Variants in SPRYD7 observed in about 807,000 individuals in gnomAD.
SPRYD7 encodes the protein SPRY domain containing 7.
SPRYD7 carries 14 observed loss-of-function variants against 23.8 expected under a neutral mutation model. That is an observed-to-expected ratio of 0.59 (90% CI 0.39 to 0.92). The LOEUF (loss-of-function observed/expected upper bound fraction) is 0.92. Ranked by LOEUF, SPRYD7 falls within the 40% of genes least tolerant of loss-of-function variation. SPRYD7 has a pLI of 0.00. For missense variants in SPRYD7, 194 were observed against 241.7 expected, an observed-to-expected ratio of 0.80 and a Z score of 1.31; for synonymous variants, 75 against 84.9, an observed-to-expected ratio of 0.88 and a Z score of 0.64.
chr13:49,934,905 A>G (rs535482935), intron 1 of SPRYD7, among the ~76,000 whole-genome samples: 1 of 152,370 alleles, frequency 6.6e-6, no homozygotes, highest in East Asian at 1.9e-4. Flanking sequence ...ATTGCTTAAT[A>G]AATATCACTT....
chr13:49,922,451 C>A (rs1955832170), intron 3 of SPRYD7, among the ~76,000 whole-genome samples: 1 of 151,910 alleles, frequency 6.6e-6, no homozygotes. Flanking sequence ...GTATTACTAT[C>A]CCCATTTTAC....
At chr13:49,935,218 C>T (rs1871567683) in intron 1 of SPRYD7, among the ~76,000 whole-genome samples, 1 of 152,136 alleles carries the variant, frequency 6.6e-6, no homozygotes, top group Non-Finnish European at 1.5e-5. Context: ...TATTTCAATG[C>T]ACTGTCCTTT....
intron 3 of SPRYD7, among the ~76,000 whole-genome samples, chr13:49,924,268 T>G (rs1344955560): frequency 1.3e-5 from 2 of 152,012 alleles, no homozygotes; most frequent in Non-Finnish European, 2.9e-5. Context: ...ATTACAGGCG[T>G]GAGCCACCGC....
chr13:49,922,007 A>T (rs1318734546), intron 3 of SPRYD7, among the ~76,000 whole-genome samples: 3 of 152,170 alleles, frequency 2.0e-5, no homozygotes, highest in African/African-American at 7.2e-5. Context: ...ACTACCTGTC[A>T]CTGTTTTCAA....
At chr13:49,933,976 G>T (rs1171044937) in intron 1 of SPRYD7, among the ~76,000 whole-genome samples, 1 of 151,706 alleles carries the variant, frequency 6.6e-6, no homozygotes, top group Admixed American at 6.6e-5. Context: ...TTCCAAAGTG[G>T]TTTTAAGTAA....
At chr13:49,918,025 T>C (rs531937232) in intron 4 of SPRYD7, among the ~76,000 whole-genome samples, 1 of 152,344 alleles carries the variant, frequency 6.6e-6, no homozygotes, top group South Asian at 2.1e-4. Flanking sequence ...TCCCAGTTTG[T>C]CATCATTGAT....
chr13:49,921,094 A>G (rs1207303277), intron 4 of SPRYD7, among the ~76,000 whole-genome samples: 1 of 152,188 alleles, frequency 6.6e-6, no homozygotes, highest in Non-Finnish European at 1.5e-5. Flanking sequence ...GTCTTGAATT[A>G]TAGTTCCCAT....
rs1178856333 is a variant in SPRYD7, at chr13:49,921,530, GT to G, written c.440del (p.Asn147ThrfsTer56). 6.2e-7 allele frequency: 1 copy of G among 1,613,524 alleles called. No homozygotes were observed. Among genetic ancestry groups the G allele is most frequent in the Non-Finnish European group, 8.5e-7 (1 of 1,179,624 alleles). ...VELNVYLNGK[N>X]MHCPASGIRG... ...GTATACCTGATGCTGGACAATGCAT[GT>G]TTTTTCCATTCAAGTATACATTTAA... On this transcript the variant is annotated frameshift_variant, in exon 4 of 5. Transcript: ENST00000361840. LOFTEE classifies it high-confidence loss of function.
chr13:49,915,093 T>C lies in SPRYD7; in HGVS notation c.561A>G (p.Glu187=). ...AGATTTGCTGTTCAAATAATATTTTTTCAAAACCAGGTGGAGGCGTATGAT... is the reference window on the plus strand; with the variant it reads ...AGATTTGCTGTTCAAATAATATTTTCTCAAAACCAGGTGGAGGCGTATGAT... The part of the protein sequence containing the change: ...EFYHTPPPGF[E]KILFEQQIF Residue 187 remains glutamate (E), a synonymous_variant, in exon 5 of 5, where the codon GAA becomes GAG. Coordinates refer to ENST00000361840, the MANE Select transcript of SPRYD7 (RefSeq NM_020456.4). 1 of 1,561,238 alleles carries C rather than the reference T, an allele frequency of 6.4e-7. No individual in the cohort carries two copies. Among genetic ancestry groups the C allele is most frequent in the Non-Finnish European group, 8.7e-7 (1 of 1,151,280 alleles).
At chr13:49,922,732 C>T (rs145965122) in intron 3 of SPRYD7, among the ~76,000 whole-genome samples, 22 of 152,156 alleles carry the variant, frequency 1.4e-4, no homozygotes, top group African/African-American at 4.8e-4. Flanking sequence ...GAGAAGTCAT[C>T]ATAGACCAAG....
At position 49,936,284 on chromosome 13, in the gene SPRYD7, T is replaced by G. The variant is rs761744729; in HGVS notation, c.-49A>C. ...CGCCGTCCCTAGACCGAGGCGACACTGCCCCCCGCCGCTCAGCTCCGTCTC... is the reference window on the plus strand; with the variant it reads ...CGCCGTCCCTAGACCGAGGCGACACGGCCCCCCGCCGCTCAGCTCCGTCTC... On this transcript the variant is annotated 5_prime_UTR_variant, in exon 1 of 5. Transcript: ENST00000361840. The G allele has an allele frequency of 7.3e-6, 10 of 1,367,692 alleles. No individual in the cohort carries two copies. In the South Asian group the frequency reaches 1.0e-4, roughly 14 times the overall value. 84.7% of individuals were successfully genotyped at this position (1,367,692 alleles called of 1,614,324 possible).
At chr13:49,919,950 G>A (rs2138217152) in intron 4 of SPRYD7, among the ~76,000 whole-genome samples, 2 of 152,156 alleles carry the variant, frequency 1.3e-5, no homozygotes, top group South Asian at 4.1e-4. Flanking sequence ...GTGGGGGGGT[G>A]TAGATGAAAC....
chr13:49,936,127 T>C lies in SPRYD7; in HGVS notation c.106+3A>G, dbSNP rs754034367. ...TTGGGTCTGGGGAAGGGAGGGCCCTTACCCATGTGCTGCGTGTCCAGCTGC... is the reference window on the plus strand; with the variant it reads ...TTGGGTCTGGGGAAGGGAGGGCCCTCACCCATGTGCTGCGTGTCCAGCTGC... On this transcript the variant is annotated splice_donor_region_variant and intron_variant, in intron 1 of 4. Transcript: ENST00000361840. The C allele has an allele frequency of 6.3e-7, 1 of 1,590,466 alleles. No individual in the cohort carries two copies.
chr13:49,921,023 T>C (rs1955812743), intron 4 of SPRYD7, among the ~76,000 whole-genome samples: 1 of 152,136 alleles, frequency 6.6e-6, no homozygotes, highest in East Asian at 1.9e-4. Flanking sequence ...GATTTCTAGA[T>C]GATAGCTATA....
intron 4 of SPRYD7, among the ~76,000 whole-genome samples, chr13:49,918,817 T>A (rs1955782553): frequency 1.3e-5 from 2 of 151,936 alleles, no homozygotes; most frequent in Non-Finnish European, 2.9e-5. Flanking sequence ...TGGGTTCAAG[T>A]GATTTTCCTG....
At chr13:49,920,713 C>T (rs994416450) in intron 4 of SPRYD7, among the ~76,000 whole-genome samples, 2 of 152,100 alleles carry the variant, frequency 1.3e-5, no homozygotes, top group African/African-American at 2.4e-5. Context: ...GTAATCCCAG[C>T]ACTTTGGGAG....
intron 1 of SPRYD7, among the ~76,000 whole-genome samples, chr13:49,933,706 G>C (rs1249466938): frequency 6.6e-6 from 1 of 152,048 alleles, no homozygotes; most frequent in Non-Finnish European, 1.5e-5. Flanking sequence ...GTACACAGAC[G>C]GTTTTAGAAT....
chr13:49,921,968 C>CA (rs1165480295), intron 3 of SPRYD7, among the ~76,000 whole-genome samples: 1 of 152,106 alleles, frequency 6.6e-6, no homozygotes, highest in Non-Finnish European at 1.5e-5. Context: ...GAAGGAAAAA[C>CA]AATGAGGTTT....
chr13:49,931,073 G>A lies in SPRYD7; in HGVS notation c.168C>T (p.Ala56=). 6.2e-7 allele frequency: 1 copy of A among 1,613,616 alleles called. No homozygotes were observed. The highest frequency in any genetic ancestry group is 8.5e-7 in the Non-Finnish European group (1 of 1,179,788). ...RRICGTGGCL[A]SAPLHQNKSY... is the part of the protein sequence containing the mutation. ...TTTTGTTTTGATGTAAAGGTGCGCTGGCTAAACAACCTCCTGTTCCACATA... is the reference window on the plus strand; with the variant it reads ...TTTTGTTTTGATGTAAAGGTGCGCTAGCTAAACAACCTCCTGTTCCACATA... The change falls in exon 2 of 5, where the codon GCC becomes GCT. Residue 56 remains alanine (A), a synonymous_variant. Coordinates refer to ENST00000361840, the MANE Select transcript of SPRYD7 (RefSeq NM_020456.4).
Sources: gnomAD v4.1 joint callset for allele counts (sites outside exome capture counted in the v4.1 genomes callset) on GRCh38, gnomAD v4.1.1 for gene constraint, MANE v1.5 for transcripts, NCBI Gene and HGNC (gene_info 2026-07-23, HGNC 2026-07-21) for gene names.